Variants in ATP9B observed in about 807,000 individuals in gnomAD.
ATP9B encodes ATPase phospholipid transporting 9B, also known as probable phospholipid-transporting ATPase IIB.
In ATP9B, 110 loss-of-function variants were observed where a neutral mutation model predicts 146.1. That is an observed-to-expected ratio of 0.75 (90% confidence interval 0.65 to 0.88). The LOEUF (loss-of-function observed/expected upper bound fraction) is 0.88, where lower values mean the gene tolerates loss of function less well. Ranked by LOEUF, ATP9B falls within the 40% of genes least tolerant of loss-of-function variation. The pLI is 0.00. For synonymous variants in ATP9B, 604 were observed against 569.7 expected (o/e 1.06, Z -0.86); for missense variants, 1,499 against 1,496.4 (o/e 1.00, Z -0.03).
chr18:79,173,004 G>A (rs1310336880), intron 7 of ATP9B, among the ~76,000 whole-genome samples: 1 of 152,162 alleles, frequency 6.6e-6, no homozygotes, highest in Non-Finnish European at 1.5e-5. Context: ...GCAATGCCTG[G>A]GACATCTAGT....
At chr18:79,078,379 G>A (rs1431525093) in intron 1 of ATP9B, among the ~76,000 whole-genome samples, 2 of 152,064 alleles carry the variant, frequency 1.3e-5, no homozygotes, top group East Asian at 3.9e-4. Flanking sequence ...ACTCACTGTT[G>A]TCTTGTTCTC....
At position 79,130,384 on chromosome 18, in the gene ATP9B, T is replaced by A. The variant is rs115913166; in HGVS notation, c.667+4009T>A. Among the ~76,000 whole-genome samples, 735 of 150,856 alleles carry A rather than the reference T, an allele frequency of 4.9e-3. 5 individuals carry two copies. The highest frequency in any genetic ancestry group is 0.025 in the South Asian group (119 of 4,774). On this transcript the variant is annotated intron_variant, in intron 5 of 29. Coordinates refer to ENST00000426216, the MANE Select transcript of ATP9B (RefSeq NM_198531.5). Reference sequence around the variant, plus strand: ...AAGAAACAGTGAACTTAAGCCTAGGTCAGTTGTATTTATCCAGTTTGAGGA... The same window carrying A: ...AAGAAACAGTGAACTTAAGCCTAGGACAGTTGTATTTATCCAGTTTGAGGA...
rs1388663528 is a variant in ATP9B at position 79,069,402 on chromosome 18, G to A, written c.-9G>A. ...AAAGTGGGAGGGGCGGGAAAGGGGC[G>A]GTCGGAACATGGCGGACCAGATCCC... On this transcript the variant is annotated 5_prime_UTR_variant, in exon 1 of 30. Coordinates refer to ENST00000426216, the MANE Select transcript of ATP9B (RefSeq NM_198531.5). 2 of 1,494,072 alleles carry A rather than the reference G, an allele frequency of 1.3e-6. No homozygotes were observed. The highest frequency in any genetic ancestry group is 2.3e-5 in the Admixed American group (1 of 42,744). The allele number at this position is 1,494,072 out of a possible 1,614,324, so 92.6% of individuals were successfully genotyped here. A position where few individuals can be genotyped will look rare whatever the true frequency, so the allele number is the denominator to read the frequency against.
At chr18:79,200,724 G>A (rs2095467203) in intron 9 of ATP9B, among the ~76,000 whole-genome samples, 1 of 152,206 alleles carries the variant, frequency 6.6e-6, no homozygotes, top group African/African-American at 2.4e-5. Flanking sequence ...AGGTGGAGGT[G>A]GGGACTGTCG....
chr18:79,079,296 T>A (rs2072990100), intron 1 of ATP9B, among the ~76,000 whole-genome samples: 1 of 151,928 alleles, frequency 6.6e-6, no homozygotes, highest in African/African-American at 2.4e-5. Flanking sequence ...AAAGTGTTCC[T>A]GTTTCTCCAT....
At chr18:79,306,916 A>T in intron 14 of ATP9B, 70 bp from the exon 15 acceptor site, 1 of 1,533,268 alleles carries the variant, frequency 6.5e-7, no homozygotes, top group South Asian at 1.2e-5. Flanking sequence ...CATATATGTT[A>T]ATAATTCCAT....
chr18:79,119,064 G>A (rs538291319), intron 4 of ATP9B, among the ~76,000 whole-genome samples: 8 of 146,190 alleles, frequency 5.5e-5, no homozygotes, highest in Non-Finnish European at 9.0e-5. Context: ...GAGCGAGACC[G>A]TGTCTTAAAA....
intron 11 of ATP9B, among the ~76,000 whole-genome samples, chr18:79,219,485 C>T (rs9946995): frequency 0.38 from 57,105 of 151,764 alleles, 11,654 homozygotes; most frequent in African/African-American, 0.54. Flanking sequence ...AAATATTAAT[C>T]ATATGGAAGA....
chr18:79,131,446 C>T (rs1568241629), intron 5 of ATP9B, among the ~76,000 whole-genome samples: 1 of 152,132 alleles, frequency 6.6e-6, no homozygotes, highest in Non-Finnish European at 1.5e-5. Flanking sequence ...CAGCCTTAGA[C>T]CAGAGGGAAG....
intron 5 of ATP9B, among the ~76,000 whole-genome samples, chr18:79,139,955 C>T (rs1342215101): frequency 6.6e-6 from 1 of 152,092 alleles, no homozygotes; most frequent in African/African-American, 2.4e-5. Flanking sequence ...TTCAGTTACC[C>T]TTTAAACCTA....
intron 10 of ATP9B, among the ~76,000 whole-genome samples, chr18:79,208,419 A>C (rs2095554912): frequency 6.6e-6 from 1 of 152,160 alleles, no homozygotes; most frequent in Non-Finnish European, 1.5e-5. Flanking sequence ...TACCTTGAAG[A>C]AAAGGATCCA....
intron 4 of ATP9B, chr18:79,117,890 A>G (rs952647543): frequency 1.3e-5 from 2 of 152,186 alleles, no homozygotes; most frequent in African/African-American, 4.8e-5. Flanking sequence ...TACTGTGTTT[A>G]TATTTATCAT....
At chr18:79,306,878 TATTTC>T in intron 14 of ATP9B, 103 bp from the exon 15 acceptor site, 1 of 1,295,786 alleles carries the variant, frequency 7.7e-7, no homozygotes, top group South Asian at 1.5e-5. Flanking sequence ...TCAGGCTACT[TATTTC>T]TAGCTACTTT....
At chr18:79,331,935 C>T (rs971836167) in intron 17 of ATP9B, among the ~76,000 whole-genome samples, 3 of 152,126 alleles carry the variant, frequency 2.0e-5, no homozygotes, top group Non-Finnish European at 2.9e-5. Flanking sequence ...TTGAACAACA[C>T]GAGGGCCAGG....
At chr18:79,253,205 G>A (rs1205544500) in intron 11 of ATP9B, among the ~76,000 whole-genome samples, 176 bp from the exon 12 acceptor site, 1 of 152,106 alleles carries the variant, frequency 6.6e-6, no homozygotes, top group African/African-American at 2.4e-5. Flanking sequence ...AAATGCTCTG[G>A]GGATCATGAT....
At chr18:79,306,172 G>A (rs150054782) in intron 14 of ATP9B, among the ~76,000 whole-genome samples, 29 of 152,348 alleles carry the variant, frequency 1.9e-4, no homozygotes, top group Middle Eastern at 3.4e-3. Flanking sequence ...CAGTCCAAGC[G>A]TGAGAGCCTT....
intron 9 of ATP9B, among the ~76,000 whole-genome samples, chr18:79,200,766 G>GGGGACTGTCA (rs2095475533): frequency 2.6e-4 from 1 of 3,792 alleles, no homozygotes; most frequent in Non-Finnish European, 7.6e-4. Context: ...TGGGAACGTT[G>GGGGACTGTCA]GGGTCAGAGC....
intron 2 of ATP9B, among the ~76,000 whole-genome samples, chr18:79,109,831 G>A (rs1440141830): frequency 2.6e-5 from 4 of 152,096 alleles, no homozygotes; most frequent in African/African-American, 7.2e-5. Context: ...CTCCCAAAGT[G>A]CTGGGATTAC....
At chr18:79,164,828 A>G (rs759694658) in intron 7 of ATP9B, among the ~76,000 whole-genome samples, 32 of 152,208 alleles carry the variant, frequency 2.1e-4, no homozygotes, top group Non-Finnish European at 4.1e-4. Context: ...CTAGGAGAGA[A>G]AAGCATTTAA....
Sources: gnomAD v4.1 joint callset for allele counts (sites outside exome capture counted in the v4.1 genomes callset) on GRCh38, gnomAD v4.1.1 for gene constraint, MANE v1.5 for transcripts, NCBI Gene and HGNC (gene_info 2026-07-23, HGNC 2026-07-21) for gene names.